ASTN2: variants seen among roughly 807,000 people sequenced by gnomAD.
ASTN2 encodes the protein astrotactin 2.
In ASTN2, 54 loss-of-function variants were observed where a neutral mutation model predicts 139.8. That is an observed-to-expected ratio of 0.39 (90% confidence interval 0.31 to 0.48). ASTN2 has a LOEUF of 0.48. ASTN2 is among the 20% of genes least tolerant of loss of function. The probability of loss-of-function intolerance (pLI) is 0.95; values close to 1 mark genes in which losing one functional copy is unlikely to be tolerated. For missense variants in ASTN2, 1,565 were observed against 1,725.1 expected (o/e 0.91, Z 1.64); for synonymous variants, 756 against 719.5 (o/e 1.05, Z -0.81).
At chr9:117,205,309 C>A (rs552160170) in intron 3 of ASTN2, among the ~76,000 whole-genome samples, 1 of 152,184 alleles carries the variant, frequency 6.6e-6, no homozygotes, top group South Asian at 2.1e-4. Flanking sequence ...GGACTGAGGT[C>A]TACACATACA....
chr9:117,274,515 C>G (rs1306585838), intron 2 of ASTN2, among the ~76,000 whole-genome samples: 1 of 152,214 alleles, frequency 6.6e-6, no homozygotes, highest in Admixed American at 6.5e-5. Context: ...GTGCCAGGCA[C>G]TCTCCTGTGC....
intron 19 of ASTN2, among the ~76,000 whole-genome samples, chr9:116,596,964 G>A (rs1236340622): frequency 6.6e-6 from 1 of 152,142 alleles, no homozygotes. Context: ...GGCTAGTGTT[G>A]TTACTGCTCT....
chr9:116,680,521 T>G (rs1221140728), intron 16 of ASTN2, among the ~76,000 whole-genome samples: 1 of 152,200 alleles, frequency 6.6e-6, no homozygotes, highest in Non-Finnish European at 1.5e-5. Context: ...CTAACTCATT[T>G]TATGAGGCCA....
intron 10 of ASTN2, among the ~76,000 whole-genome samples, chr9:116,960,625 T>C (rs1360498229): frequency 6.6e-6 from 1 of 152,040 alleles, no homozygotes; most frequent in Non-Finnish European, 1.5e-5. Context: ...GACTTCTATC[T>C]ACTAGATACC....
intron 5 of ASTN2, among the ~76,000 whole-genome samples, chr9:117,066,056 T>G (rs1349894184): frequency 6.7e-6 from 1 of 150,304 alleles, no homozygotes; most frequent in African/African-American, 2.5e-5. Context: ...TTAGGGTACA[T>G]GTGCACATTG....
chr9:116,734,661 T>C (rs1355840551), intron 13 of ASTN2, among the ~76,000 whole-genome samples: 2 of 152,126 alleles, frequency 1.3e-5, no homozygotes, highest in Admixed American at 1.3e-4. Flanking sequence ...AACCTTGAAA[T>C]GAAAATCAGA....
intron 5 of ASTN2, among the ~76,000 whole-genome samples, chr9:117,085,656 G>T (rs1828541997): frequency 6.6e-6 from 1 of 152,158 alleles, no homozygotes; most frequent in Non-Finnish European, 1.5e-5. Context: ...GCCTGAGCTG[G>T]TTCTGACCAC....
intron 1 of ASTN2, among the ~76,000 whole-genome samples, chr9:117,381,128 A>C (rs1005170141): frequency 4.6e-5 from 7 of 152,230 alleles, no homozygotes; most frequent in Non-Finnish European, 8.8e-5. Flanking sequence ...AGGTGAAAGA[A>C]GGTCACAAAA....
chr9:116,996,869 A>G (rs190408040), intron 7 of ASTN2, among the ~76,000 whole-genome samples: 2 of 152,304 alleles, frequency 1.3e-5, no homozygotes, highest in Admixed American at 1.3e-4. Flanking sequence ...AGTAGGACAT[A>G]TGCCATTTTT....
chr9:116,878,193 CT>C (rs1271214416), intron 10 of ASTN2, among the ~76,000 whole-genome samples: 4 of 152,132 alleles, frequency 2.6e-5, no homozygotes, highest in Non-Finnish European at 5.9e-5. Flanking sequence ...ATTTGACCCC[CT>C]GTTACTGGGT....
intron 3 of ASTN2, among the ~76,000 whole-genome samples, chr9:117,159,312 T>C (rs1027769648): frequency 1.3e-5 from 2 of 151,942 alleles, no homozygotes; most frequent in Non-Finnish European, 2.9e-5. Context: ...TATAAAAACA[T>C]TGGAAGCTCA....
chr9:116,728,937 G>C, intron 15 of ASTN2, 55 bp downstream of exon 15: 1 of 1,450,290 alleles, frequency 6.9e-7, no homozygotes, highest in Non-Finnish European at 9.5e-7. Context: ...TAGGTCCTTG[G>C]CAACAAGTGC....
chr9:116,994,368 C>T (rs995377478), intron 7 of ASTN2, among the ~76,000 whole-genome samples: 4 of 152,212 alleles, frequency 2.6e-5, no homozygotes, highest in Non-Finnish European at 5.9e-5. Flanking sequence ...TTAGGTAAGG[C>T]AGTGGATCTG....
intron 2 of ASTN2, among the ~76,000 whole-genome samples, chr9:117,240,823 G>C (rs112036516): frequency 1.6e-4 from 24 of 152,306 alleles, no homozygotes; most frequent in African/African-American, 5.5e-4. Context: ...TGGGGGGCTT[G>C]ACTTAGGACC....
chr9:116,695,964 C>A (rs1412250229), intron 16 of ASTN2, among the ~76,000 whole-genome samples: 1 of 152,084 alleles, frequency 6.6e-6, no homozygotes. Flanking sequence ...CACCATAATC[C>A]ACTCACCTTT....
At chr9:117,150,113 C>T (rs180726911) in intron 3 of ASTN2, among the ~76,000 whole-genome samples, 21 of 152,192 alleles carry the variant, frequency 1.4e-4, no homozygotes, top group Admixed American at 3.9e-4. Context: ...TTAAATTTAG[C>T]GATATTTTTC....
At chr9:117,341,689 C>A (rs1829065084) in intron 1 of ASTN2, among the ~76,000 whole-genome samples, 2 of 151,906 alleles carry the variant, frequency 1.3e-5, no homozygotes, top group Non-Finnish European at 2.9e-5. Context: ...TAGGAGGATA[C>A]AAAGCAGGAA....
At chr9:116,513,243 T>C (rs1202636797) in intron 19 of ASTN2, among the ~76,000 whole-genome samples, 7 of 152,310 alleles carry the variant, frequency 4.6e-5, no homozygotes, top group Non-Finnish European at 8.8e-5. Context: ...AGGATTTTAT[T>C]TCTCCTTCAC....
chr9:117,388,351 T>C (rs903661077), intron 1 of ASTN2, among the ~76,000 whole-genome samples: 1 of 152,150 alleles, frequency 6.6e-6, no homozygotes. Flanking sequence ...GACATATATA[T>C]CAGGCCACCC....
Sources: allele counts gnomAD v4.1 joint callset (sites outside exome capture counted in the v4.1 genomes callset), GRCh38; gene constraint gnomAD v4.1.1; transcripts MANE v1.5; gene names NCBI Gene and HGNC (gene_info 2026-07-23, HGNC 2026-07-21).